The following PIK3CD variants were observed in gnomAD, a reference collection of about 807,000 sequenced individuals.
PIK3CD encodes phosphatidylinositol-4,5-bisphosphate 3-kinase catalytic subunit delta.
Under a neutral mutation model 122.9 loss-of-function variants are expected in PIK3CD, and 20 were observed. That is an observed-to-expected ratio of 0.16 (90% CI 0.11 to 0.24). The LOEUF is 0.24. Ranked by LOEUF, PIK3CD falls within the 10% of genes least tolerant of loss-of-function variation. The probability of loss-of-function intolerance (pLI) is 1.00; values close to 1 mark genes in which losing one functional copy is unlikely to be tolerated. For missense variants in PIK3CD, 787 were observed against 1,406.3 expected, an observed-to-expected ratio of 0.56 and a Z score of 7.04; for synonymous variants, 596 against 593.4, an observed-to-expected ratio of 1.00 and a Z score of -0.06.
rs370470976 is a variant in PIK3CD at position 9,661,926 on chromosome 1, G to A, written c.-138+10124G>A. Reference sequence around the variant, plus strand: ...CAGGACAATGGTGTGGACCCAGGCGGCGGAGCTTGCAGTGAGCCGAGATTG... The same window carrying A: ...CAGGACAATGGTGTGGACCCAGGCGACGGAGCTTGCAGTGAGCCGAGATTG... On this transcript the variant is annotated intron_variant, in intron 1 of 23. Coordinates refer to ENST00000377346, the MANE Select transcript of PIK3CD (RefSeq NM_005026.5). Among the ~76,000 whole-genome samples the A allele has an allele frequency of 7.9e-5, 12 of 152,246 alleles. No individual in the cohort carries two copies. In the East Asian group the frequency reaches 2.3e-3, roughly 29 times the overall value.
At chr1:9,655,414 G>T (rs900773426) in intron 1 of PIK3CD, among the ~76,000 whole-genome samples, 1 of 151,288 alleles carries the variant, frequency 6.6e-6, no homozygotes, top group African/African-American at 2.4e-5. Flanking sequence ...CCAGTTTCAA[G>T]ATGGAAAAAA....
At chr1:9,645,025 C>CTTT in the PIK3CD span, among the ~76,000 whole-genome samples, 2 of 81,808 alleles carry the variant, frequency 2.4e-5, no homozygotes, top group Non-Finnish European at 4.4e-5. Context: ...CTTTTCTTTT[C>CTTT]TTTTTTTTTT....
chr1:9,697,805 TG>T (rs1191737409), intron 2 of PIK3CD, among the ~76,000 whole-genome samples: 1 of 151,228 alleles, frequency 6.6e-6, no homozygotes, highest in Non-Finnish European at 1.5e-5. Flanking sequence ...CTGAGGCGGG[TG>T]GAGCACTTGA....
intron 1 of PIK3CD, chr1:9,662,399 C>G (rs938743922): frequency 5.9e-6 from 1 of 169,518 alleles, no homozygotes; most frequent in African/African-American, 2.4e-5. Context: ...TAGACTTTTC[C>G]CCCTGCACTC....
Position 9,710,462 on chromosome 1 carries a change from C to T in PIK3CD, c.7C>T (p.Pro3Ser), listed in dbSNP as rs750425882. The change falls in exon 3 of 24, where the codon CCT (proline) becomes TCT (serine). Residue 3 changes from proline (P) to serine (S), a missense_variant. Around this residue, in one of 6 missense-constraint regions of PIK3CD, gnomAD observed 592 missense variants for 920.6 expected, o/e 0.64. Transcript: ENST00000377346. This position sits in a 1 kb window ranked among gnomAD's most constrained non-coding sequence, Gnocchi z 4.7. ...TGGGAAGTAACAACGCAGGATGCCCCCTGGGGTGGACTGCCCCATGGAATT... is the reference window on the plus strand; with the variant it reads ...TGGGAAGTAACAACGCAGGATGCCCTCTGGGGTGGACTGCCCCATGGAATT... MPPGVDCPMEFWT... is the reference protein window; with the variant it reads MPSGVDCPMEFWT... 6.2e-7 allele frequency: 1 copy of T among 1,614,084 alleles called. No homozygotes were observed. The highest frequency in any genetic ancestry group is 1.1e-5 in the South Asian group (1 of 91,078).
At position 9,716,426 on chromosome 1, in the gene PIK3CD, C is replaced by CGGA; in HGVS notation, c.601-14_601-13insGGA. On this transcript the variant is annotated splice_polypyrimidine_tract_variant and intron_variant, in intron 5 of 23. Coordinates refer to ENST00000377346, the MANE Select transcript of PIK3CD (RefSeq NM_005026.5). ...GCCTCGAGGGCAGAGGACTGACCTC[C>CGGA]CTCCTCCCCACAGGAGAGCTTCACC... 6.2e-7 allele frequency: 1 copy of CGGA among 1,610,656 alleles called. No homozygotes were observed. The highest frequency in any genetic ancestry group is 1.1e-5 in the South Asian group (1 of 90,974).
intron 1 of PIK3CD, among the ~76,000 whole-genome samples, chr1:9,684,635 C>A (rs193032650): frequency 6.6e-6 from 1 of 150,946 alleles, no homozygotes; most frequent in Non-Finnish European, 1.5e-5. Flanking sequence ...CAGGCAGATC[C>A]CTTGAGCCTA....
chr1:9,724,985 GC>G lies in PIK3CD; in HGVS notation c.2997+54del, dbSNP rs771556865. On this transcript the variant is annotated intron_variant, in intron 23 of 23. Coordinates refer to ENST00000377346, the MANE Select transcript of PIK3CD (RefSeq NM_005026.5). The surrounding 1 kb of genome is among the most constrained non-coding windows in gnomAD (Gnocchi z 7.3). ...TGTCGCCAGTGGACTTCCAAGGCCT[GC>G]CCCCGAGCAATGTGACCTAGGAGGG... 1 of 1,608,742 alleles carries G rather than the reference GC, an allele frequency of 6.2e-7. No individual in the cohort carries two copies. Among genetic ancestry groups the G allele is most frequent in the Non-Finnish European group, 8.5e-7 (1 of 1,178,308 alleles).
At chr1:9,644,951 A>T in the PIK3CD span, among the ~76,000 whole-genome samples, 1 of 152,144 alleles carries the variant, frequency 6.6e-6, no homozygotes. Flanking sequence ...GGACGGGCAG[A>T]AGCACACTGC....
chr1:9,727,004 G>A lies in PIK3CD; in HGVS notation c.3093G>A (p.Val1031=). ...EALRESWKTK[V]NWLAHNVSKD... ...TCCGTGAGAGCTGGAAAACCAAAGT[G>A]AACTGGCTGGCCCACAACGTGTCCA... The change falls in exon 24 of 24, where the codon GTG becomes GTA. Residue 1031 remains valine, a synonymous_variant. Transcript: ENST00000377346. The A allele has an allele frequency of 6.2e-7, 1 of 1,614,090 alleles. No homozygotes were observed. Among genetic ancestry groups the A allele is most frequent in the Non-Finnish European group, 8.5e-7 (1 of 1,180,026 alleles).
the PIK3CD span, among the ~76,000 whole-genome samples, chr1:9,633,199 G>T: frequency 6.6e-6 from 1 of 152,064 alleles, no homozygotes; most frequent in Non-Finnish European, 1.5e-5. Flanking sequence ...CTTTGGCTTA[G>T]GAATTCTCCA....
At position 9,700,093 on chromosome 1, in the gene PIK3CD, CTATT is replaced by C. The variant is rs779262875; in HGVS notation, c.-33+8524_-33+8527del. On this transcript the variant is annotated intron_variant, in intron 2 of 23. Coordinates refer to ENST00000377346, the MANE Select transcript of PIK3CD (RefSeq NM_005026.5). This position sits in a 1 kb window ranked among gnomAD's most constrained non-coding sequence, Gnocchi z 5.1. ...TTACTACCTGAAGCATCTTGTTTATCTATTTGTTTTCTTTTTAACTTTGTATTTA... is the reference window on the plus strand; with the variant it reads ...TTACTACCTGAAGCATCTTGTTTATCTGTTTTCTTTTTAACTTTGTATTTA... Among the ~76,000 whole-genome samples, 12 of 152,262 alleles carry C rather than the reference CTATT, an allele frequency of 7.9e-5. No homozygotes were observed. Among genetic ancestry groups the C allele is most frequent in the Middle Eastern group, 3.4e-3 (1 of 294 alleles).
At chr1:9,641,436 G>A in the PIK3CD span, among the ~76,000 whole-genome samples, 1,076 of 151,836 alleles carry the variant, frequency 7.1e-3, 23 homozygotes, top group Admixed American at 0.045. Context: ...GTGCCAGATG[G>A]GGAAACTGAG....
At position 9,721,503 on chromosome 1, in the gene PIK3CD, A is replaced by C. The variant is rs771265754; in HGVS notation, c.1871A>C (p.Tyr624Ser). 1.9e-6 allele frequency: 3 copies of C among 1,613,720 alleles called. No homozygotes were observed. The change falls in exon 15 of 24, where the codon TAC becomes TCC. Residue 624 changes from tyrosine (Y) to serine (S), a missense_variant. This residue lies in a region of PIK3CD where 592 missense variants were observed against 920.6 expected (regional missense o/e 0.64). Coordinates refer to ENST00000377346, the MANE Select transcript of PIK3CD (RefSeq NM_005026.5). ...QLVQVLKYES[Y>S]LDCELTKFLL... ...GTGCAGGTGCTCAAGTACGAGTCCT[A>C]CCTGGACTGCGAGCTGACCAAATTC...
chr1:9,669,013 C>T lies in PIK3CD; in HGVS notation c.-138+17211C>T, dbSNP rs192037368. Among the ~76,000 whole-genome samples the T allele has an allele frequency of 1.4e-4, 22 of 152,188 alleles. No individual in the cohort carries two copies. In the South Asian group the frequency reaches 2.3e-3, roughly 16 times the overall value. Reference sequence around the variant, plus strand: ...TCCAGAATTTGTCTTGGTGACTGTTCGCTGCTCACATCCAGATGACCCTAT... The same window carrying T: ...TCCAGAATTTGTCTTGGTGACTGTTTGCTGCTCACATCCAGATGACCCTAT... On this transcript the variant is annotated intron_variant, in intron 1 of 23. Transcript: ENST00000377346.
chr1:9,670,502 T>C (rs201870644), intron 1 of PIK3CD, among the ~76,000 whole-genome samples: 22 of 152,328 alleles, frequency 1.4e-4, no homozygotes, highest in East Asian at 1.3e-3. Flanking sequence ...GTTTTAGAAT[T>C]ACAGGCTTCA....
chr1:9,716,265 C>T, intron 5 of PIK3CD, 175 bp from the exon 6 acceptor site: 1 of 814,628 alleles, frequency 1.2e-6, no homozygotes, highest in Non-Finnish European at 2.0e-6. Flanking sequence ...GGCAGGATAA[C>T]CAAGTGGCGT....
chr1:9,674,692 C>CAAAAAAAAAAAAA (rs35463378), intron 1 of PIK3CD, among the ~76,000 whole-genome samples: 1 of 58,216 alleles, frequency 1.7e-5, no homozygotes, highest in African/African-American at 5.8e-5. Flanking sequence ...GACTCCGTCT[C>CAAAAAAAAAAAAA]AAAAAAAAAA....
chr1:9,719,935 C>T lies in PIK3CD; in HGVS notation c.1257C>T (p.Ala419=). The change falls in exon 10 of 24, where the codon GCC becomes GCT. Residue 419 remains alanine (A), a synonymous_variant. Coordinates refer to ENST00000377346, the MANE Select transcript of PIK3CD (RefSeq NM_005026.5). This position sits in a 1 kb window ranked among gnomAD's most constrained non-coding sequence, Gnocchi z 5.5. ...TCCTTCTGCAGGACTGCCCCATTGC[C>T]TGGGCCAACCTCATGCTGTTTGACT... The part of the protein sequence containing the change: ...KKSKKADCPI[A]WANLMLFDYK... 1 of 1,613,724 alleles carries T rather than the reference C, an allele frequency of 6.2e-7. No homozygotes were observed. Among genetic ancestry groups the T allele is most frequent in the South Asian group, 1.1e-5 (1 of 91,076 alleles).
Sources: gnomAD v4.1 joint callset for allele counts (sites outside exome capture counted in the v4.1 genomes callset) on GRCh38, gnomAD v4.1.1 for gene constraint, gnomAD v4.1.1 regional missense constraint, Gnocchi (gnomAD v3.1) non-coding constraint, MANE v1.5 for transcripts, NCBI Gene and HGNC (gene_info 2026-07-23, HGNC 2026-07-21) for gene names.